TTBK2: variants seen among roughly 807,000 people sequenced by gnomAD.
TTBK2 encodes the protein tau tubulin kinase 2, also known as tau-tubulin kinase 2.
TTBK2 carries 28 observed loss-of-function variants against 110.8 expected under a neutral mutation model. The ratio of observed to expected loss-of-function variants is 0.25; its 90% confidence interval spans 0.19 to 0.35. The LOEUF is 0.35. Among genes scored for constraint, TTBK2 ranks in the 10% least tolerant of loss-of-function variants. The pLI, the probability that TTBK2 is intolerant of heterozygous loss-of-function variation, is 1.00. For missense variants in TTBK2, 1,369 were observed against 1,500.3 expected, an observed-to-expected ratio of 0.91 and a Z score of 1.45; for synonymous variants, 532 against 527.3, an observed-to-expected ratio of 1.01 and a Z score of -0.12.
chr15:42,751,888 C>T (rs557444305), intron 14 of TTBK2, 86 bp downstream of exon 14: 1 of 1,496,542 alleles, frequency 6.7e-7, no homozygotes, highest in Admixed American at 1.7e-5. Context: ...GGGGGCAACA[C>T]AGAAATGTTG....
At chr15:42,837,468 G>C (rs1893037187) in intron 4 of TTBK2, among the ~76,000 whole-genome samples, 1 of 151,846 alleles carries the variant, frequency 6.6e-6, no homozygotes, top group Non-Finnish European at 1.5e-5. Flanking sequence ...GACCAGCCTG[G>C]GCAAAATGGT....
chr15:42,871,293 A>G (rs1372822426), intron 3 of TTBK2, among the ~76,000 whole-genome samples: 2 of 152,140 alleles, frequency 1.3e-5, no homozygotes, highest in East Asian at 1.9e-4. Context: ...AATACAAGAA[A>G]AGGAGACAGC....
chr15:42,910,360 T>G (rs1157586937), intron 1 of TTBK2, among the ~76,000 whole-genome samples: 2 of 152,120 alleles, frequency 1.3e-5, no homozygotes, highest in Non-Finnish European at 2.9e-5. Context: ...ACGCACACAA[T>G]TTACGTCCTC....
chr15:42,795,952 C>T (rs1890920691), intron 9 of TTBK2, among the ~76,000 whole-genome samples: 1 of 151,596 alleles, frequency 6.6e-6, no homozygotes, highest in Admixed American at 6.6e-5. Flanking sequence ...TAAGAGATTA[C>T]TGTCAGCTGA....
chr15:42,769,692 A>C (rs1395463684), intron 13 of TTBK2, among the ~76,000 whole-genome samples: 2 of 152,194 alleles, frequency 1.3e-5, no homozygotes, highest in Non-Finnish European at 2.9e-5. Context: ...ATTGTAGAAG[A>C]CAGTGTGGCG....
At chr15:42,865,140 T>C (rs950173546) in intron 3 of TTBK2, among the ~76,000 whole-genome samples, 2 of 152,002 alleles carry the variant, frequency 1.3e-5, no homozygotes, top group African/African-American at 4.8e-5. Flanking sequence ...AACAGAAGTA[T>C]AATTGATATG....
chr15:42,792,346 T>C (rs1890726373), intron 10 of TTBK2, among the ~76,000 whole-genome samples: 1 of 152,020 alleles, frequency 6.6e-6, no homozygotes, highest in Non-Finnish European at 1.5e-5. Context: ...AATTCTTTGA[T>C]TTTTTTTCCC....
chr15:42,904,874 AT>A (rs769350686), intron 1 of TTBK2, among the ~76,000 whole-genome samples: 795 of 144,850 alleles, frequency 5.5e-3, no homozygotes, highest in Admixed American at 5.9e-3. Context: ...ACTGTATATA[AT>A]TTTTTTTTTT....
At chr15:42,871,357 G>C (rs918537549) in intron 3 of TTBK2, 26 of 819,448 alleles carry the variant, frequency 3.2e-5, no homozygotes, top group South Asian at 1.1e-4. Context: ...TGATCTTCAA[G>C]TTTTATCAAA....
At chr15:42,861,448 T>C (rs1363445754) in intron 3 of TTBK2, among the ~76,000 whole-genome samples, 1 of 152,084 alleles carries the variant, frequency 6.6e-6, no homozygotes, top group South Asian at 2.1e-4. Context: ...AAAAGATCTA[T>C]CAAAACTACA....
intron 1 of TTBK2, among the ~76,000 whole-genome samples, chr15:42,904,617 T>G (rs1367550518): frequency 1.3e-5 from 2 of 152,154 alleles, no homozygotes; most frequent in Non-Finnish European, 2.9e-5. Flanking sequence ...AAATGGAGAT[T>G]CAACTTGTAA....
At chr15:42,760,726 G>T (rs1210784966) in intron 13 of TTBK2, among the ~76,000 whole-genome samples, 1 of 152,164 alleles carries the variant, frequency 6.6e-6, no homozygotes, top group African/African-American at 2.4e-5. Flanking sequence ...TGTATTGGAA[G>T]AATTAATATT....
chr15:42,907,705 GTATT>G (rs1185427462), intron 1 of TTBK2, among the ~76,000 whole-genome samples: 1 of 152,024 alleles, frequency 6.6e-6, no homozygotes, highest in African/African-American at 2.4e-5. Flanking sequence ...GAATATAAAT[GTATT>G]TATTGTTACT....
chr15:42,859,311 T>G (rs1894063623), intron 3 of TTBK2, among the ~76,000 whole-genome samples: 1 of 152,094 alleles, frequency 6.6e-6, no homozygotes, highest in African/African-American at 2.4e-5. Context: ...TTTCACCACA[T>G]TGCCCAGGCT....
chr15:42,795,549 G>A (rs747634213), intron 9 of TTBK2, among the ~76,000 whole-genome samples: 1 of 152,014 alleles, frequency 6.6e-6, no homozygotes, highest in Non-Finnish European at 1.5e-5. Context: ...TATCCTCTGA[G>A]ATTCATCTTG....
chr15:42,876,650 G>C (rs1182972177), intron 2 of TTBK2, among the ~76,000 whole-genome samples: 1 of 152,088 alleles, frequency 6.6e-6, no homozygotes, highest in Non-Finnish European at 1.5e-5. Context: ...CATAGATTAA[G>C]GAAACCATTA....
Position 42,783,625 on chromosome 15 carries a change from C to T in TTBK2, c.991G>A (p.Ala331Thr). 1 of 1,612,774 alleles carries T rather than the reference C, an allele frequency of 6.2e-7. No homozygotes were observed. The highest frequency in any genetic ancestry group is 8.5e-7 in the Non-Finnish European group (1 of 1,179,498). Residue 331 changes from alanine to threonine, a missense_variant, in exon 11 of 15, where the codon GCT (alanine) becomes ACT (threonine). Around this residue, in one of 4 missense-constraint regions of TTBK2, gnomAD observed 1,097 missense variants for 1,114.7 expected, o/e 0.98. Coordinates refer to ENST00000267890, the MANE Select transcript of TTBK2 (RefSeq NM_173500.4). ...LTPAAIGIAN[A>T]TPIPGDLLRE... Reference sequence around the variant, plus strand: ...AGCAAGTCTCCAGGGATGGGAGTAGCATTGGCAATTCTACATATGAAGGGA... The same window carrying T: ...AGCAAGTCTCCAGGGATGGGAGTAGTATTGGCAATTCTACATATGAAGGGA...
intron 3 of TTBK2, among the ~76,000 whole-genome samples, chr15:42,841,948 G>C (rs911269216): frequency 2.6e-5 from 4 of 152,178 alleles, no homozygotes; most frequent in Non-Finnish European, 5.9e-5. Context: ...CAGAGCTCCA[G>C]ATGTACACTG....
chr15:42,821,679 GTTTTTTGTTTT>G (rs1302695464), intron 6 of TTBK2, among the ~76,000 whole-genome samples: 15 of 139,680 alleles, frequency 1.1e-4, no homozygotes, highest in South Asian at 2.3e-4. Flanking sequence ...CAGGGTTTTT[GTTTTTTGTTTT>G]TTTTTTGTTT....
Sources: allele counts gnomAD v4.1 joint callset (sites outside exome capture counted in the v4.1 genomes callset), GRCh38; gene constraint gnomAD v4.1.1; regional missense constraint gnomAD v4.1.1; transcripts MANE v1.5; gene names NCBI Gene and HGNC (gene_info 2026-07-23, HGNC 2026-07-21).